The following ADAM2 variants were observed in gnomAD, a reference collection of about 807,000 sequenced individuals.
ADAM2 encodes the protein ADAM metallopeptidase domain 2.
ADAM2 carries 101 observed loss-of-function variants against 99.3 expected under a neutral mutation model. The observed-to-expected ratio is 1.02, with a 90% CI of 0.87 to 1.20. The LOEUF (loss-of-function observed/expected upper bound fraction) is 1.20, where lower values mean the gene tolerates loss of function less well. Among genes scored for constraint, ADAM2 ranks in the 50% most tolerant of loss-of-function variants. The pLI, the probability that ADAM2 is intolerant of heterozygous loss-of-function variation, is 0.00. For missense variants in ADAM2, 948 were observed against 878.7 expected (o/e 1.08, Z -1.00); for synonymous variants, 323 against 287.6 (o/e 1.12, Z -1.25).
At chr8:39,745,108 A>C (rs1321080428) in intron 19 of ADAM2, among the ~76,000 whole-genome samples, 7 of 152,198 alleles carry the variant, frequency 4.6e-5, no homozygotes, top group Non-Finnish European at 1.0e-4. Context: ...AAAAAAGCAC[A>C]GTGATATATG....
chr8:39,763,225 TA>T (rs1023098320), intron 14 of ADAM2, among the ~76,000 whole-genome samples: 4 of 151,884 alleles, frequency 2.6e-5, no homozygotes, highest in African/African-American at 9.7e-5. Context: ...AAAAAATGAA[TA>T]AAAAAAATCT....
chr8:39,764,365 G>T (rs955187008), intron 14 of ADAM2, among the ~76,000 whole-genome samples: 2 of 152,186 alleles, frequency 1.3e-5, no homozygotes, highest in Non-Finnish European at 2.9e-5. Context: ...AGCTGTGATT[G>T]CATCACTGTA....
rs569677269 is a variant in ADAM2 at position 39,838,179 on chromosome 8, G to A, written c.7C>T (p.Arg3Cys). Reference sequence around the variant, plus strand: ...AGCCCGCTGAGCAGAAACAAGACGCGCCACATGGCTTGAAGTCCTGGGTCC... The same window carrying A: ...AGCCCGCTGAGCAGAAACAAGACGCACCACATGGCTTGAAGTCCTGGGTCC... MW[R>C]VLFLLSGLGG... is the part of the protein sequence containing the mutation. Residue 3 changes from arginine (R) to cysteine (C), a missense_variant, in exon 1 of 21, where the codon CGC (arginine) becomes TGC (cysteine). By Grantham distance (180) the Arg-to-Cys change is radical. Transcript: ENST00000265708. The A allele has an allele frequency of 1.2e-5, 20 of 1,614,112 alleles. No individual in the cohort carries two copies. Among genetic ancestry groups the A allele is most frequent in the East Asian group, 1.1e-4 (5 of 44,860 alleles).
At position 39,749,598 on chromosome 8, in the gene ADAM2, T is replaced by TGC; in HGVS notation, c.1875+68_1875+69insGC. The TGC allele has an allele frequency of 3.5e-6, 5 of 1,430,756 alleles. No homozygotes were observed. The South Asian group carries it at 6.1e-5, about 17-fold the overall frequency. The allele number at this position is 1,430,756 out of a possible 1,614,324, so 88.6% of individuals were successfully genotyped here. ...GTGTGTGTGTGTGCGTGTGTGTGTG[T>TGC]GTAGCAATGCAGTTTCCTAAAATTA... On this transcript the variant is annotated intron_variant, in intron 17 of 20. Transcript: ENST00000265708.
intron 16 of ADAM2, among the ~76,000 whole-genome samples, chr8:39,751,066 A>G (rs1027112181): frequency 1.3e-5 from 2 of 152,176 alleles, no homozygotes. Context: ...TTTGCCCAAC[A>G]TTATTGAGTA....
chr8:39,816,912 A>G (rs182181800), intron 6 of ADAM2, among the ~76,000 whole-genome samples: 117 of 152,358 alleles, frequency 7.7e-4, no homozygotes, highest in African/African-American at 2.6e-3. Context: ...TATTTATACA[A>G]ACAGCCTGTG....
chr8:39,745,026 C>T, intron 19 of ADAM2, 133 bp from the exon 20 acceptor site: 3 of 628,690 alleles, frequency 4.8e-6, no homozygotes, highest in Non-Finnish European at 8.2e-6. Context: ...TTGAGAATAC[C>T]CTATCACTGA....
chr8:39,821,934 CTT>C (rs1805204762), intron 4 of ADAM2, among the ~76,000 whole-genome samples: 1 of 152,118 alleles, frequency 6.6e-6, no homozygotes, highest in African/African-American at 2.4e-5. Context: ...ATCATCAAAA[CTT>C]ATATTTTTCA....
intron 2 of ADAM2, among the ~76,000 whole-genome samples, chr8:39,836,448 C>G (rs1284456429): frequency 4.6e-5 from 7 of 151,556 alleles, no homozygotes. Context: ...TAAATAACAT[C>G]TTAAGCTATA....
In ADAM2 at chr8:39,755,863, T is replaced by G. The variant is rs1312394249; in HGVS notation, c.1662A>C (p.Leu554Phe). The G allele has an allele frequency of 7.5e-6, 12 of 1,591,956 alleles. No individual in the cohort carries two copies. Among genetic ancestry groups the G allele is most frequent in the Non-Finnish European group, 1.0e-5 (12 of 1,161,200 alleles). Reference protein sequence around the residue: ...KLICKYVGKFLLQIPRATIIY... With the variant: ...KLICKYVGKFFLQIPRATIIY... ...TAATAGTGGCTCTTGGAATTTGTAA[T>G]AAAAATTTACCTACATATTTACATA... The change falls in exon 16 of 21, where the codon TTA (leucine) becomes TTC (phenylalanine). Residue 554 changes from leucine (L) to phenylalanine (F), a missense_variant. Physicochemically the swap from Leu to Phe is conservative, Grantham distance 22. Transcript: ENST00000265708.
chr8:39,807,932 T>A (rs907358926), intron 7 of ADAM2, among the ~76,000 whole-genome samples: 2 of 152,180 alleles, frequency 1.3e-5, no homozygotes, highest in African/African-American at 4.8e-5. Flanking sequence ...CTACTCCTGA[T>A]AAAAACAGTA....
At chr8:39,783,950 GAA>G (rs201001327) in intron 10 of ADAM2, among the ~76,000 whole-genome samples, 1 of 144,286 alleles carries the variant, frequency 6.9e-6, no homozygotes, top group Admixed American at 6.9e-5. Flanking sequence ...GTCTCGAAAA[GAA>G]AAAAAAAAAA....
chr8:39,824,840 T>G lies in ADAM2; in HGVS notation c.246A>C (p.Lys82Asn). The G allele has an allele frequency of 6.4e-7, 1 of 1,574,498 alleles. No individual in the cohort carries two copies. Among genetic ancestry groups the G allele is most frequent in the Admixed American group, 1.7e-5 (1 of 57,338 alleles). Reference sequence around the variant, plus strand: ...ATACCTGAAAATCTTGGTCAAGTGGTTTCATAATTCCTGTGCCACTATAAC... The same window carrying G: ...ATACCTGAAAATCTTGGTCAAGTGGGTTCATAATTCCTGTGCCACTATAAC... ...VYSYSGTGIM[K>N]PLDQDFQNFC... The change falls in exon 4 of 21, where the codon AAA (lysine) becomes AAC (asparagine). Residue 82 changes from lysine (K) to asparagine (N), a missense_variant. Lys to Asn is a moderately conservative substitution (Grantham distance 94). Transcript: ENST00000265708.
chr8:39,744,649 G>T (rs1482266883), intron 20 of ADAM2, among the ~76,000 whole-genome samples, 181 bp downstream of exon 20: 1 of 152,092 alleles, frequency 6.6e-6, no homozygotes, highest in Non-Finnish European at 1.5e-5. Context: ...TGGGAGGCAA[G>T]GGGAGGAAGA....
intron 7 of ADAM2, among the ~76,000 whole-genome samples, chr8:39,803,263 TAA>T (rs1804291442): frequency 6.6e-6 from 1 of 152,186 alleles, no homozygotes; most frequent in African/African-American, 2.4e-5. Flanking sequence ...ATGGCAGGCC[TAA>T]AATGAGTCAC....
chr8:39,756,539 G>A (rs1430214143), intron 15 of ADAM2, among the ~76,000 whole-genome samples: 1 of 152,120 alleles, frequency 6.6e-6, no homozygotes, highest in Non-Finnish European at 1.5e-5. Context: ...GGAAACCATG[G>A]AGGCAGAGAG....
intron 14 of ADAM2, among the ~76,000 whole-genome samples, chr8:39,761,670 T>C (rs1802375448): frequency 6.6e-6 from 1 of 152,234 alleles, no homozygotes; most frequent in Admixed American, 6.5e-5. Context: ...TAACCAATTA[T>C]CTTGTTTTAC....
rs1226333062 is a variant in ADAM2 at position 39,782,721 on chromosome 8, A to G, written c.891+4253T>C. 2.0e-5 allele frequency among the ~76,000 whole-genome samples: 3 copies of G among 152,216 alleles called. No homozygotes were observed. In the East Asian group the frequency reaches 5.8e-4, roughly 29 times the overall value. Reference sequence around the variant, plus strand: ...TGATCTGTGGTGATCATGTCCCTTTATTCAACTAATATTTGGATAATTTGT... The same window carrying G: ...TGATCTGTGGTGATCATGTCCCTTTGTTCAACTAATATTTGGATAATTTGT... On this transcript the variant is annotated intron_variant, in intron 10 of 20. Coordinates refer to ENST00000265708, the MANE Select transcript of ADAM2 (RefSeq NM_001464.5).
chr8:39,804,592 G>A (rs1001381188), intron 7 of ADAM2, among the ~76,000 whole-genome samples: 2 of 152,034 alleles, frequency 1.3e-5, no homozygotes, highest in Admixed American at 6.6e-5. Context: ...GCTGAGGCAG[G>A]TTGATGAACA....
Sources: allele counts gnomAD v4.1 joint callset (sites outside exome capture counted in the v4.1 genomes callset), GRCh38; gene constraint gnomAD v4.1.1; transcripts MANE v1.5; gene names NCBI Gene and HGNC (gene_info 2026-07-23, HGNC 2026-07-21).